WDR20: variants seen among roughly 807,000 people sequenced by gnomAD.
WDR20 encodes the protein WD repeat-containing protein 20.
WDR20 carries 3 observed loss-of-function variants against 38.7 expected under a neutral mutation model. That is an observed-to-expected ratio of 0.08 (90% CI 0.04 to 0.20). The LOEUF is 0.20. Ranked by LOEUF, WDR20 falls within the 10% of genes least tolerant of loss-of-function variation. The probability of loss-of-function intolerance (pLI) is 1.00; values close to 1 mark genes in which losing one functional copy is unlikely to be tolerated. For synonymous variants in WDR20, 298 were observed against 285.6 expected (o/e 1.04, Z -0.44); for missense variants, 559 against 727.7 (o/e 0.77, Z 2.67).
At chr14:102,224,282 C>T (rs779566078), downstream of WDR20, among the ~76,000 whole-genome samples, 52 of 151,832 alleles carry the variant, frequency 3.4e-4, no homozygotes, top group Non-Finnish European at 4.7e-4. Flanking sequence ...CCTCGTGATC[C>T]GCCTGCCTTG....
intron 1 of WDR20, among the ~76,000 whole-genome samples, chr14:102,192,649 TG>T: frequency 6.6e-6 from 1 of 152,366 alleles, no homozygotes; most frequent in East Asian, 1.9e-4. Flanking sequence ...TGGCAGTACT[TG>T]GAAAAACAGG....
chr14:102,153,452 G>A (rs537448285), intron 1 of WDR20, among the ~76,000 whole-genome samples: 11 of 151,622 alleles, frequency 7.3e-5, no homozygotes, highest in Non-Finnish European at 1.2e-4. Context: ...GATTACAGGC[G>A]CCCACCACCA....
rs372904264 is a variant in WDR20 at position 102,222,884 on chromosome 14, C to T, written c.*1C>T. 8.1e-6 allele frequency: 13 copies of T among 1,614,030 alleles called. No individual in the cohort carries two copies. In the East Asian group the frequency reaches 1.1e-4, roughly 14 times the overall value. ...TTCTCCAGGTGGAACTGTAGTGTAGCGACCTCACTGCTGCGCGCACAGTCT... is the reference window on the plus strand; with the variant it reads ...TTCTCCAGGTGGAACTGTAGTGTAGTGACCTCACTGCTGCGCGCACAGTCT... On this transcript the variant is annotated 3_prime_UTR_variant, in exon 4 of 4. Coordinates refer to the WDR20 transcript ENST00000335263. The surrounding 1 kb of genome is among the most constrained non-coding windows in gnomAD (Gnocchi z 4.4).
intron 1 of WDR20, among the ~76,000 whole-genome samples, chr14:102,150,862 A>G (rs563173402): frequency 2.0e-5 from 3 of 152,296 alleles, no homozygotes; most frequent in East Asian, 1.9e-4. Flanking sequence ...TGCCTGCTCT[A>G]TATTGTTAAG....
chr14:102,184,375 A>G (rs920176690), intron 1 of WDR20, among the ~76,000 whole-genome samples: 6 of 152,242 alleles, frequency 3.9e-5, no homozygotes, highest in African/African-American at 1.4e-4. Context: ...GCTACTCTGA[A>G]GGAAGAGAAG....
chr14:102,190,254 C>G (rs114677995), intron 1 of WDR20, among the ~76,000 whole-genome samples: 1,524 of 152,206 alleles, frequency 0.01, 27 homozygotes, highest in African/African-American at 0.035. Context: ...TGGTGCAGGC[C>G]TGGCACATAG....
chr14:102,168,416 G>A (rs1016019646), intron 1 of WDR20, among the ~76,000 whole-genome samples: 1 of 151,888 alleles, frequency 6.6e-6, no homozygotes, highest in Non-Finnish European at 1.5e-5. Flanking sequence ...TTACCTGTCA[G>A]TCTTTTTTTT....
At chr14:102,183,070 G>GA (rs1361651241) in intron 1 of WDR20, among the ~76,000 whole-genome samples, 6 of 149,858 alleles carry the variant, frequency 4.0e-5, no homozygotes, top group Non-Finnish European at 7.4e-5. Context: ...CAGAGAGAGA[G>GA]AAAAAAAAAG....
chr14:102,181,686 C>G (rs557825907), intron 1 of WDR20, among the ~76,000 whole-genome samples: 23 of 152,048 alleles, frequency 1.5e-4, no homozygotes, highest in Admixed American at 5.2e-4. Flanking sequence ...AACTTTTAAG[C>G]TAGTAGTTGC....
rs944061253 is a variant in WDR20, at chr14:102,208,487, G to A, written c.433-116G>A. ...CTTGGCTGACTGCAGGATAAAATGT[G>A]GAGGGCCTGGATAGACTTGCCCCTT... On this transcript the variant is annotated intron_variant, in intron 2 of 2. Transcript: ENST00000342702. The surrounding 1 kb of genome is among the most constrained non-coding windows in gnomAD (Gnocchi z 5.6). The A allele has an allele frequency of 2.3e-5, 31 of 1,358,834 alleles. No individual in the cohort carries two copies. The African/African-American group carries it at 4.5e-4, about 20-fold the overall frequency. The allele number at this position is 1,358,834 out of a possible 1,614,324, so 84.2% of individuals were successfully genotyped here. A position where few individuals can be genotyped will look rare whatever the true frequency, so the allele number is the denominator to read the frequency against.
intron 2 of WDR20, among the ~76,000 whole-genome samples, chr14:102,196,999 C>G (rs966561392): frequency 6.6e-6 from 1 of 152,130 alleles, no homozygotes; most frequent in Non-Finnish European, 1.5e-5. Context: ...CAAGGGTCAC[C>G]GGAGGTTTGT....
chr14:102,189,845 GA>G (rs540743650), intron 1 of WDR20, among the ~76,000 whole-genome samples: 38 of 152,268 alleles, frequency 2.5e-4, no homozygotes, highest in Non-Finnish European at 4.4e-4. Flanking sequence ...AAACAATTCT[GA>G]AATCATATAA....
At chr14:102,173,704 C>T (rs1265581197) in intron 1 of WDR20, among the ~76,000 whole-genome samples, 2 of 149,068 alleles carry the variant, frequency 1.3e-5, no homozygotes, top group African/African-American at 4.9e-5. Flanking sequence ...CTCCCACTTA[C>T]AAGTGAGAAC....
At chr14:102,198,035 C>A (rs773653003) in intron 2 of WDR20, 5 of 439,708 alleles carry the variant, frequency 1.1e-5, no homozygotes, top group Non-Finnish European at 2.0e-5. Context: ...CAGATGGTGA[C>A]ACTTTGTGAT....
chr14:102,195,832 T>C (rs1281260897), intron 2 of WDR20: 1 of 152,234 alleles, frequency 6.6e-6, no homozygotes, highest in African/African-American at 2.4e-5. Flanking sequence ...CAGCCTCAAG[T>C]ATTGCTATTT....
chr14:102,164,103 G>A (rs967416810), intron 1 of WDR20, among the ~76,000 whole-genome samples: 3 of 151,922 alleles, frequency 2.0e-5, no homozygotes, highest in African/African-American at 4.9e-5. Context: ...GCTGGAAAGG[G>A]CTTCACAGAA....
At chr14:102,176,885 C>A (rs902514141) in intron 1 of WDR20, among the ~76,000 whole-genome samples, 2 of 152,074 alleles carry the variant, frequency 1.3e-5, no homozygotes, top group African/African-American at 4.8e-5. Flanking sequence ...CCTGCCATCA[C>A]GCCCGGCTAA....
At chr14:102,146,202 C>G (rs922444272) in intron 1 of WDR20, among the ~76,000 whole-genome samples, 1 of 152,000 alleles carries the variant, frequency 6.6e-6, no homozygotes, top group Non-Finnish European at 1.5e-5. Flanking sequence ...CTTGCTCTGT[C>G]GCCCAGGCTG....
chr14:102,175,921 A>G (rs113676572), intron 1 of WDR20, among the ~76,000 whole-genome samples: 35 of 152,288 alleles, frequency 2.3e-4, no homozygotes, highest in African/African-American at 6.0e-4. Context: ...AACTTTACTG[A>G]ATTCATTTAT....
Sources: allele counts gnomAD v4.1 joint callset (sites outside exome capture counted in the v4.1 genomes callset), GRCh38; gene constraint gnomAD v4.1.1; non-coding constraint Gnocchi (gnomAD v3.1); transcripts MANE v1.5; gene names NCBI Gene and HGNC (gene_info 2026-07-23, HGNC 2026-07-21).